The following CERS6 variants were observed in gnomAD, a reference collection of about 807,000 sequenced individuals.
CERS6 encodes the protein ceramide synthase 6.
CERS6 carries 26 observed loss-of-function variants against 56.8 expected under a neutral mutation model. The ratio of observed to expected loss-of-function variants is 0.46; its 90% CI spans 0.34 to 0.63. CERS6 has a LOEUF of 0.63. CERS6 is among the 30% of genes least tolerant of loss of function. CERS6 has a pLI of 0.01. For synonymous variants in CERS6, 164 were observed against 173.3 expected (o/e 0.95, Z 0.42); for missense variants, 415 against 467.5 (o/e 0.89, Z 1.04).
At position 168,690,411 on chromosome 2, in the gene CERS6, A is replaced by G. The variant is rs541507353; in HGVS notation, c.466-623A>G. ...TTACAAATGTTTGGAATCTGTGTGT[A>G]CACTTAGATTTTCCTAATCATACTG... On this transcript the variant is annotated intron_variant, in intron 4 of 9. Coordinates refer to ENST00000305747, the MANE Select transcript of CERS6 (RefSeq NM_203463.3). Among the ~76,000 whole-genome samples, 43 of 152,278 alleles carry G rather than the reference A, an allele frequency of 2.8e-4. No individual in the cohort carries two copies. The Middle Eastern group carries it at 0.01, about 36-fold the overall frequency.
At chr2:168,571,138 T>C (rs1240867616) in intron 3 of CERS6, among the ~76,000 whole-genome samples, 1 of 152,134 alleles carries the variant, frequency 6.6e-6, no homozygotes, top group Non-Finnish European at 1.5e-5. Flanking sequence ...ACTCTGTTAC[T>C]TCCTCTTGGG....
intron 3 of CERS6, among the ~76,000 whole-genome samples, chr2:168,561,726 CA>C (rs1015649374): frequency 6.4e-4 from 98 of 152,180 alleles, no homozygotes; most frequent in African/African-American, 2.3e-3. Context: ...AGGGTCGTGA[CA>C]ATCTTCTGTA....
At chr2:168,674,532 C>T (rs899898845) in intron 4 of CERS6, among the ~76,000 whole-genome samples, 1 of 152,186 alleles carries the variant, frequency 6.6e-6, no homozygotes, top group Non-Finnish European at 1.5e-5. Flanking sequence ...TGTGACATTG[C>T]ACATTCTGAA....
At chr2:168,645,363 T>C (rs1025182504) in intron 4 of CERS6, among the ~76,000 whole-genome samples, 11 of 150,576 alleles carry the variant, frequency 7.3e-5, no homozygotes, top group Non-Finnish European at 1.5e-4. Context: ...TCATTTAGAG[T>C]CTCTAACTTA....
At chr2:168,681,325 T>C (rs1175844175) in intron 4 of CERS6, among the ~76,000 whole-genome samples, 3 of 152,220 alleles carry the variant, frequency 2.0e-5, no homozygotes. Flanking sequence ...TTGTTTGTAG[T>C]TGAAATATCA....
intron 4 of CERS6, among the ~76,000 whole-genome samples, chr2:168,640,279 A>G (rs1346990453): frequency 6.6e-6 from 1 of 152,214 alleles, no homozygotes; most frequent in Non-Finnish European, 1.5e-5. Context: ...TGTTAATCCT[A>G]TAGCTGCCAT....
chr2:168,534,731 G>A (rs553316007), intron 1 of CERS6, among the ~76,000 whole-genome samples: 4 of 152,300 alleles, frequency 2.6e-5, no homozygotes, highest in South Asian at 2.1e-4. Flanking sequence ...AACAGGACCC[G>A]TTTAACAAAG....
chr2:168,627,793 C>T (rs1684624243), intron 3 of CERS6, among the ~76,000 whole-genome samples: 1 of 151,794 alleles, frequency 6.6e-6, no homozygotes, highest in African/African-American at 2.4e-5. Flanking sequence ...TGTATTTCCT[C>T]AGAAACAGCT....
intron 4 of CERS6, among the ~76,000 whole-genome samples, chr2:168,634,825 A>G (rs1477717933): frequency 6.6e-6 from 1 of 152,192 alleles, no homozygotes; most frequent in Non-Finnish European, 1.5e-5. Context: ...GGTCCATAGG[A>G]GATAGAAACC....
In CERS6 at chr2:168,770,693, A is replaced by T. The variant is rs575166790; in HGVS notation, c.*1031A>T. 1 of 152,810 alleles carries T rather than the reference A, an allele frequency of 6.5e-6. No individual in the cohort carries two copies. Among genetic ancestry groups the T allele is most frequent in the South Asian group, 2.1e-4 (1 of 4,828 alleles). 9.5% of individuals were successfully genotyped at this position (152,810 alleles called of 1,614,324 possible). On this transcript the variant is annotated 3_prime_UTR_variant, in exon 10 of 10. Transcript: ENST00000305747. ...ACTTTAATGCAACCAGCTTTCAAGA[A>T]AAAGCCCTATCTAGTACTTGATGTT...
At chr2:168,708,891 G>A (rs1043631625) in intron 6 of CERS6, among the ~76,000 whole-genome samples, 8 of 152,068 alleles carry the variant, frequency 5.3e-5, no homozygotes, top group African/African-American at 1.9e-4. Context: ...AGAATTTGGG[G>A]AACAGTTCCT....
chr2:168,746,068 TAGG>T lies in CERS6; in HGVS notation c.846-19520_846-19518del, dbSNP rs142345929. On this transcript the variant is annotated intron_variant, in intron 8 of 9. Transcript: ENST00000305747. ...CCAGATTCACGTTGCCAGAGCCTGG[TAGG>T]AGGGTTGAGTGGGCTCCCAGTGGCA... 7.9e-3 allele frequency among the ~76,000 whole-genome samples: 1,196 copies of T among 152,254 alleles called. 20 individuals are homozygous for T. The highest frequency in any genetic ancestry group is 0.027 in the African/African-American group (1,112 of 41,548).
chr2:168,520,340 C>T (rs549874857), intron 1 of CERS6, among the ~76,000 whole-genome samples: 2 of 151,962 alleles, frequency 1.3e-5, no homozygotes, highest in South Asian at 2.1e-4. Flanking sequence ...TCCTTTGTTG[C>T]GTGCATAGTT....
intron 3 of CERS6, among the ~76,000 whole-genome samples, chr2:168,592,906 G>A (rs1258156732): frequency 6.6e-6 from 1 of 152,006 alleles, no homozygotes; most frequent in Non-Finnish European, 1.5e-5. Flanking sequence ...ACCATTCTAG[G>A]GGCCAGGAGT....
intron 3 of CERS6, among the ~76,000 whole-genome samples, chr2:168,586,748 T>A (rs1017135488): frequency 1.3e-5 from 2 of 152,138 alleles, no homozygotes; most frequent in South Asian, 2.1e-4. Context: ...CTTAATTTTT[T>A]AAGCAAATTT....
At chr2:168,657,927 G>A (rs57774016) in intron 4 of CERS6, among the ~76,000 whole-genome samples, 8,565 of 152,296 alleles carry the variant, frequency 0.056, 615 homozygotes, top group East Asian at 0.15. Flanking sequence ...AAATGCCACC[G>A]AAGTGGGAGC....
intron 4 of CERS6, among the ~76,000 whole-genome samples, chr2:168,643,211 A>G (rs1457425935): frequency 7.5e-6 from 1 of 132,928 alleles, no homozygotes; most frequent in African/African-American, 3.4e-5. Flanking sequence ...ACTTGAAGCT[A>G]TAAAGAAATT....
At chr2:168,507,265 A>G (rs1694695108) in intron 1 of CERS6, among the ~76,000 whole-genome samples, 1 of 152,216 alleles carries the variant, frequency 6.6e-6, no homozygotes, top group Admixed American at 6.5e-5. Flanking sequence ...TGTGAACTCA[A>G]AAATAGGCCT....
chr2:168,724,400 A>G (rs1683281409), intron 8 of CERS6, among the ~76,000 whole-genome samples: 2 of 152,140 alleles, frequency 1.3e-5, no homozygotes, highest in South Asian at 4.1e-4. Flanking sequence ...ACAGTGTGGA[A>G]GGCAACCTGA....
Sources: allele counts gnomAD v4.1 joint callset (sites outside exome capture counted in the v4.1 genomes callset), GRCh38; gene constraint gnomAD v4.1.1; transcripts MANE v1.5; gene names NCBI Gene and HGNC (gene_info 2026-07-23, HGNC 2026-07-21).